The following CHN2 variants were observed in gnomAD, a reference collection of about 807,000 sequenced individuals.
CHN2 encodes chimerin 2, also known as beta-chimaerin.
A neutral mutation model predicts 56.3 loss-of-function variants in CHN2; 35 were observed. The observed-to-expected ratio is 0.62, with a 90% CI of 0.47 to 0.82. The LOEUF (loss-of-function observed/expected upper bound fraction) is 0.82, where lower values mean the gene tolerates loss of function less well. Ranked by LOEUF, CHN2 falls within the 40% of genes least tolerant of loss-of-function variation. CHN2 has a pLI of 0.00. For synonymous variants in CHN2, 210 were observed against 212.8 expected (o/e 0.99, Z 0.12); for missense variants, 491 against 580.5 (o/e 0.85, Z 1.58).
At chr7:29,294,282 C>T (rs919585281) in intron 1 of CHN2, among the ~76,000 whole-genome samples, 1 of 151,996 alleles carries the variant, frequency 6.6e-6, no homozygotes, top group African/African-American at 2.4e-5. Flanking sequence ...TGAATATTCA[C>T]GAGACTGCTA....
intron 3 of CHN2, among the ~76,000 whole-genome samples, 164 bp downstream of exon 3, chr7:29,368,151 C>T (rs1799320478): frequency 6.6e-6 from 1 of 152,092 alleles, no homozygotes; most frequent in Admixed American, 6.5e-5. Context: ...TGACATCAGA[C>T]ATTATTTAAA....
intron 1 of CHN2, among the ~76,000 whole-genome samples, chr7:29,196,827 G>A (rs931309451): frequency 1.3e-5 from 2 of 152,216 alleles, no homozygotes; most frequent in African/African-American, 4.8e-5. Flanking sequence ...CTTTCAGATA[G>A]GTTAGAGATG....
chr7:29,303,627 C>G (rs1793901698), intron 1 of CHN2, among the ~76,000 whole-genome samples: 1 of 152,250 alleles, frequency 6.6e-6, no homozygotes, highest in Admixed American at 6.5e-5. Flanking sequence ...ACTAGCTTCC[C>G]CCAGCCTATA....
intron 6 of CHN2, among the ~76,000 whole-genome samples, chr7:29,460,059 A>G (rs543640510): frequency 8.9e-4 from 135 of 152,186 alleles, no homozygotes; most frequent in African/African-American, 2.8e-3. Context: ...TCCCCTTAGC[A>G]TATGTACATT....
intron 11 of CHN2, among the ~76,000 whole-genome samples, chr7:29,508,713 T>C (rs981308087): frequency 6.6e-6 from 1 of 151,688 alleles, no homozygotes; most frequent in African/African-American, 2.4e-5. Context: ...AAGCATGTAC[T>C]CTTCCTCCCA....
Position 29,384,159 on chromosome 7 carries a change from A to G in CHN2, c.145-9520A>G, listed in dbSNP as rs527441172. On this transcript the variant is annotated intron_variant, in intron 3 of 12. Transcript: ENST00000222792. ...GGTGTGATGAGTGTGATGAGTACTA[A>G]TCAGTCTACCCAGGTCTCCAGAATG... is the stretch of plus-strand genomic sequence containing the variant. Among the ~76,000 whole-genome samples the G allele has an allele frequency of 2.0e-5, 3 of 152,282 alleles. No individual in the cohort carries two copies. In the South Asian group the frequency reaches 6.2e-4, roughly 32 times the overall value.
At position 29,514,095 on chromosome 7, in the gene CHN2, G is replaced by A. The variant is rs1791801948; in HGVS notation, c.*1360G>A. On this transcript the variant is annotated 3_prime_UTR_variant, in exon 13 of 13. Transcript: ENST00000222792. Reference sequence around the variant, plus strand: ...CATTGTGTGACTGTTGACCTGGACAGTCCCAAGGGCTATGCAGATGGACTC... The same window carrying A: ...CATTGTGTGACTGTTGACCTGGACAATCCCAAGGGCTATGCAGATGGACTC... 1 of 152,632 alleles carries A rather than the reference G, an allele frequency of 6.6e-6. No individual in the cohort carries two copies. The highest frequency in any genetic ancestry group is 2.4e-5 in the African/African-American group (1 of 41,462). 9.5% of individuals were successfully genotyped at this position (152,632 alleles called of 1,614,324 possible). A position where few individuals can be genotyped will look rare whatever the true frequency, so the allele number is the denominator to read the frequency against.
At chr7:29,325,733 C>A (rs1266685854) in intron 1 of CHN2, among the ~76,000 whole-genome samples, 1 of 152,150 alleles carries the variant, frequency 6.6e-6, no homozygotes, top group Non-Finnish European at 1.5e-5. Context: ...TGCTCACTTA[C>A]GGCTGGTCTG....
intron 6 of CHN2, among the ~76,000 whole-genome samples, chr7:29,427,702 G>A (rs1367579299): frequency 6.8e-6 from 1 of 147,458 alleles, no homozygotes; most frequent in South Asian, 2.2e-4. Flanking sequence ...CTGTTGCCAG[G>A]CTGGAGTGCA....
At chr7:29,485,160 TG>T (rs1266726486) in intron 7 of CHN2, among the ~76,000 whole-genome samples, 9 of 152,236 alleles carry the variant, frequency 5.9e-5, no homozygotes, top group African/African-American at 2.2e-4. Flanking sequence ...TTGCTGTAGC[TG>T]GTTCATATTC....
chr7:29,425,010 A>G (rs1804716777), intron 6 of CHN2, among the ~76,000 whole-genome samples: 1 of 152,218 alleles, frequency 6.6e-6, no homozygotes, highest in African/African-American at 2.4e-5. Flanking sequence ...CTGCATCAAG[A>G]GATTTGACAA....
chr7:29,170,616 C>G (rs1796473374), intron 2 of CHN2, among the ~76,000 whole-genome samples: 1 of 152,142 alleles, frequency 6.6e-6, no homozygotes, highest in Non-Finnish European at 1.5e-5. Flanking sequence ...ATTTTTATTT[C>G]TAAACTTCAT....
chr7:29,352,676 T>A (rs1214115827), intron 1 of CHN2, among the ~76,000 whole-genome samples: 1 of 152,110 alleles, frequency 6.6e-6, no homozygotes, highest in African/African-American at 2.4e-5. Flanking sequence ...TGAGCCAAGA[T>A]CATGCCACTG....
chr7:29,448,235 C>T (rs780916056), intron 6 of CHN2, among the ~76,000 whole-genome samples: 1 of 151,578 alleles, frequency 6.6e-6, no homozygotes, highest in Non-Finnish European at 1.5e-5. Flanking sequence ...TTTGATACCT[C>T]TTTCCTTATT....
chr7:29,198,593 G>T (rs933833026), intron 1 of CHN2, among the ~76,000 whole-genome samples: 4 of 152,062 alleles, frequency 2.6e-5, no homozygotes, highest in African/African-American at 9.7e-5. Context: ...AGGAAGCTTT[G>T]ATTACCTTTA....
At chr7:29,498,337 A>G (rs1789524432) in intron 8 of CHN2, among the ~76,000 whole-genome samples, 1 of 152,250 alleles carries the variant, frequency 6.6e-6, no homozygotes, top group Non-Finnish European at 1.5e-5. Flanking sequence ...AGCCAACTCT[A>G]TTTAGCGCAG....
chr7:29,473,147 C>A (rs987790025), intron 6 of CHN2, among the ~76,000 whole-genome samples: 1 of 152,184 alleles, frequency 6.6e-6, no homozygotes, highest in Non-Finnish European at 1.5e-5. Flanking sequence ...TGCCTTAAAT[C>A]GTCTTTGGAG....
intron 1 of CHN2, among the ~76,000 whole-genome samples, chr7:29,316,996 T>TG (rs1361096745): frequency 6.6e-6 from 1 of 152,244 alleles, no homozygotes; most frequent in African/African-American, 2.4e-5. Flanking sequence ...GAAAACAAAT[T>TG]GTTCTTTTGA....
chr7:29,219,500 A>G (rs1210215283), intron 1 of CHN2, among the ~76,000 whole-genome samples: 1 of 152,208 alleles, frequency 6.6e-6, no homozygotes, highest in Non-Finnish European at 1.5e-5. Context: ...CTATATCAGT[A>G]AATGTATCAA....
Sources: allele counts gnomAD v4.1 joint callset (sites outside exome capture counted in the v4.1 genomes callset), GRCh38; gene constraint gnomAD v4.1.1; transcripts MANE v1.5; gene names NCBI Gene and HGNC (gene_info 2026-07-23, HGNC 2026-07-21).